Variants in AGMO observed in about 807,000 individuals in gnomAD.
AGMO encodes the protein alkylglycerol monooxygenase.
In AGMO, 75 loss-of-function variants were observed where a neutral mutation model predicts 60.2. That is an observed-to-expected ratio of 1.25 (90% CI 1.03 to 1.51). The LOEUF (loss-of-function observed/expected upper bound fraction) is 1.51. Among genes scored for constraint, AGMO ranks in the 40% most tolerant of loss-of-function variants. The pLI, the probability that AGMO is intolerant of heterozygous loss-of-function variation, is 0.00. For synonymous variants in AGMO, 261 were observed against 177.1 expected (o/e 1.47, Z -3.76); for missense variants, 763 against 525.5 (o/e 1.45, Z -4.42).
intron 12 of AGMO, among the ~76,000 whole-genome samples, chr7:15,277,182 C>T (rs937742393): frequency 1.8e-4 from 28 of 151,886 alleles, no homozygotes; most frequent in African/African-American, 6.5e-4. Context: ...GTGGTGGGTG[C>T]CTGTAAACCC....
intron 3 of AGMO, among the ~76,000 whole-genome samples, chr7:15,496,179 A>G (rs1783227944): frequency 6.6e-6 from 1 of 152,130 alleles, no homozygotes; most frequent in South Asian, 2.1e-4. Flanking sequence ...CAACTCCCAT[A>G]TGATCACCTT....
intron 12 of AGMO, among the ~76,000 whole-genome samples, chr7:15,288,593 T>C (rs1421763848): frequency 6.6e-6 from 1 of 152,024 alleles, no homozygotes; most frequent in Non-Finnish European, 1.5e-5. Context: ...AATTCAGACA[T>C]GAAAGGAGAA....
chr7:15,544,079 A>T (rs1025367669), intron 3 of AGMO, among the ~76,000 whole-genome samples: 1 of 152,202 alleles, frequency 6.6e-6, no homozygotes, highest in African/African-American at 2.4e-5. Context: ...AGCAACCCAG[A>T]TGGAATTGGA....
At chr7:15,240,367 T>G (rs550979121) in intron 12 of AGMO, among the ~76,000 whole-genome samples, 1 of 152,230 alleles carries the variant, frequency 6.6e-6, no homozygotes, top group African/African-American at 2.4e-5. Flanking sequence ...TTTTATGTGC[T>G]AATTCTTAGT....
intron 3 of AGMO, among the ~76,000 whole-genome samples, chr7:15,500,230 C>T (rs1482748600): frequency 6.6e-6 from 1 of 151,754 alleles, no homozygotes; most frequent in Non-Finnish European, 1.5e-5. Context: ...AGTCTTATTT[C>T]TAGTGCTTTT....
At chr7:15,523,880 C>G (rs1380268750) in intron 3 of AGMO, among the ~76,000 whole-genome samples, 1 of 151,982 alleles carries the variant, frequency 6.6e-6, no homozygotes, top group African/African-American at 2.4e-5. Context: ...TAGCATTTAA[C>G]TTACTAAATG....
intron 8 of AGMO, among the ~76,000 whole-genome samples, chr7:15,388,048 C>T (rs1783995983): frequency 6.6e-6 from 1 of 152,008 alleles, no homozygotes; most frequent in Non-Finnish European, 1.5e-5. Context: ...GCTGGGATTA[C>T]AGGTGCCTGC....
At chr7:15,241,651 A>G (rs146873722) in intron 12 of AGMO, among the ~76,000 whole-genome samples, 15 of 152,104 alleles carry the variant, frequency 9.9e-5, no homozygotes, top group African/African-American at 3.4e-4. Flanking sequence ...GACTCTCATA[A>G]TTTTCTTTTA....
chr7:15,536,351 T>C (rs1232674571), intron 3 of AGMO, among the ~76,000 whole-genome samples: 1 of 151,942 alleles, frequency 6.6e-6, no homozygotes, highest in African/African-American at 2.4e-5. Context: ...CCTTCAATGA[T>C]ACTTGAAATT....
At chr7:15,494,297 C>T (rs988267792) in intron 3 of AGMO, among the ~76,000 whole-genome samples, 3 of 152,166 alleles carry the variant, frequency 2.0e-5, no homozygotes, top group African/African-American at 4.8e-5. Context: ...CAGCTATGCT[C>T]AGGCTGTGGC....
At chr7:15,380,621 A>T (rs182587757) in intron 10 of AGMO, among the ~76,000 whole-genome samples, 17 of 152,282 alleles carry the variant, frequency 1.1e-4, no homozygotes, top group African/African-American at 4.1e-4. Context: ...TATGCTTATT[A>T]AACATTCCTC....
At chr7:15,221,324 G>C (rs927127574) in intron 12 of AGMO, among the ~76,000 whole-genome samples, 2 of 151,998 alleles carry the variant, frequency 1.3e-5, no homozygotes, top group African/African-American at 4.8e-5. Flanking sequence ...CAAAACTTTG[G>C]AATCTGGCTG....
At chr7:15,389,272 C>A (rs370441815) in intron 8 of AGMO, among the ~76,000 whole-genome samples, 36 of 150,754 alleles carry the variant, frequency 2.4e-4, no homozygotes, top group East Asian at 1.8e-3. Flanking sequence ...ATTAAGTTTG[C>A]AAAGCTCTGC....
chr7:15,384,228 C>T lies in AGMO; in HGVS notation c.1074+1218G>A, dbSNP rs566043673. Among the ~76,000 whole-genome samples, 136 of 152,274 alleles carry T rather than the reference C, an allele frequency of 8.9e-4. 1 individual carries two copies. Among genetic ancestry groups the T allele is most frequent in the South Asian group, 4.6e-3 (22 of 4,826 alleles). On this transcript the variant is annotated intron_variant, in intron 10 of 12. Coordinates refer to ENST00000342526, the MANE Select transcript of AGMO (RefSeq NM_001004320.2). Reference sequence around the variant, plus strand: ...CTGGGATTACAGGCATGAGCCACCACGCCCAGCCTCAATTTAGTCCATCTT... The same window carrying T: ...CTGGGATTACAGGCATGAGCCACCATGCCCAGCCTCAATTTAGTCCATCTT...
intron 3 of AGMO, among the ~76,000 whole-genome samples, chr7:15,494,081 A>T (rs1276613012): frequency 6.6e-6 from 1 of 152,126 alleles, no homozygotes; most frequent in East Asian, 1.9e-4. Context: ...AAGGAGTTTA[A>T]GGTCAACAAG....
At chr7:15,165,413 G>A in the AGMO span, among the ~76,000 whole-genome samples, 157 of 152,178 alleles carry the variant, frequency 1.0e-3, no homozygotes, top group Non-Finnish European at 1.9e-3. Flanking sequence ...TACCATAAAA[G>A]ACAAGAGTCT....
chr7:15,165,225 C>T, the AGMO span, among the ~76,000 whole-genome samples: 12 of 151,924 alleles, frequency 7.9e-5, no homozygotes, highest in Admixed American at 7.2e-4. Flanking sequence ...ACTAGGGATG[C>T]TAAAAGTGGG....
chr7:15,235,044 A>C (rs962940950), intron 12 of AGMO, among the ~76,000 whole-genome samples: 2 of 151,850 alleles, frequency 1.3e-5, no homozygotes, highest in African/African-American at 4.8e-5. Flanking sequence ...TTTGCTGAAA[A>C]CTTCATCTGC....
intron 12 of AGMO, among the ~76,000 whole-genome samples, chr7:15,268,817 G>A (rs1325945671): frequency 6.6e-6 from 1 of 151,902 alleles, no homozygotes; most frequent in Non-Finnish European, 1.5e-5. Flanking sequence ...ATGTAAAGAT[G>A]AAATTATTTT....
Sources: gnomAD v4.1 joint callset for allele counts (sites outside exome capture counted in the v4.1 genomes callset) on GRCh38, gnomAD v4.1.1 for gene constraint, MANE v1.5 for transcripts, NCBI Gene and HGNC (gene_info 2026-07-23, HGNC 2026-07-21) for gene names.